The following LRP1B variants were observed in gnomAD, a reference collection of about 807,000 sequenced individuals.
The protein encoded by LRP1B is low-density lipoprotein receptor-related protein 1B.
In LRP1B, 217 loss-of-function variants were observed where a neutral mutation model predicts 556.6. The ratio of observed to expected loss-of-function variants is 0.39; its 90% CI spans 0.35 to 0.44. The LOEUF is 0.44. LRP1B is among the 20% of genes least tolerant of loss of function. The pLI, the probability that LRP1B is intolerant of heterozygous loss-of-function variation, is 1.00. For missense variants in LRP1B, 5,053 were observed against 5,620.8 expected (o/e 0.90, Z 3.23); for synonymous variants, 2,047 against 1,865.8 (o/e 1.10, Z -2.50).
intron 42 of LRP1B, among the ~76,000 whole-genome samples, chr2:140,599,985 T>C (rs1220589750): frequency 2.0e-5 from 3 of 152,170 alleles, no homozygotes; most frequent in African/African-American, 7.2e-5. Flanking sequence ...TATATGATGA[T>C]AAATTGCCTT....
intron 83 of LRP1B, among the ~76,000 whole-genome samples, chr2:140,303,162 G>A (rs1683915502): frequency 6.6e-6 from 1 of 150,582 alleles, no homozygotes; most frequent in Non-Finnish European, 1.5e-5. Flanking sequence ...TTCATAGATA[G>A]AAATTCTTTA....
chr2:141,606,637 A>G (rs1457198334), intron 2 of LRP1B, among the ~76,000 whole-genome samples: 2 of 152,140 alleles, frequency 1.3e-5, no homozygotes, highest in Admixed American at 1.3e-4. Flanking sequence ...TAAGAAAAGG[A>G]AATTTGAGCA....
intron 1 of LRP1B, among the ~76,000 whole-genome samples, chr2:142,016,529 G>T (rs1439605223): frequency 6.6e-6 from 1 of 151,992 alleles, no homozygotes; most frequent in Non-Finnish European, 1.5e-5. Context: ...ACCTTTGCAG[G>T]GACATGGATG....
chr2:141,934,910 C>T (rs997063310), intron 1 of LRP1B, among the ~76,000 whole-genome samples: 7 of 152,100 alleles, frequency 4.6e-5, no homozygotes, highest in African/African-American at 1.7e-4. Flanking sequence ...TGAAAACAGA[C>T]TAATACACCC....
intron 2 of LRP1B, among the ~76,000 whole-genome samples, chr2:141,782,480 G>T (rs1351440547): frequency 1.5e-5 from 2 of 133,828 alleles, no homozygotes; most frequent in Non-Finnish European, 1.6e-5. Flanking sequence ...AATTGTTTTG[G>T]TTTGTAACAC....
chr2:141,759,672 T>G (rs975737970), intron 2 of LRP1B, among the ~76,000 whole-genome samples: 3 of 152,090 alleles, frequency 2.0e-5, no homozygotes, highest in Non-Finnish European at 4.4e-5. Context: ...AAACTGTTTA[T>G]CTCTAGATAG....
chr2:141,617,524 T>G (rs938170153), intron 2 of LRP1B, among the ~76,000 whole-genome samples: 15 of 152,206 alleles, frequency 9.9e-5, no homozygotes, highest in Non-Finnish European at 1.9e-4. Context: ...AAATTTTCTC[T>G]GGATTTCTCA....
At chr2:141,504,179 A>T (rs926912837) in intron 2 of LRP1B, among the ~76,000 whole-genome samples, 2 of 152,170 alleles carry the variant, frequency 1.3e-5, no homozygotes, top group African/African-American at 4.8e-5. Context: ...ATATTAATTA[A>T]GCCTGCTTTC....
At chr2:140,566,724 C>T (rs1681140151) in intron 43 of LRP1B, among the ~76,000 whole-genome samples, 1 of 152,102 alleles carries the variant, frequency 6.6e-6, no homozygotes, top group Non-Finnish European at 1.5e-5. Flanking sequence ...GTTCCTTGGC[C>T]TCTCAGAGAA....
At chr2:140,878,320 T>A (rs1010945138) in intron 25 of LRP1B, among the ~76,000 whole-genome samples, 13 of 152,256 alleles carry the variant, frequency 8.5e-5, no homozygotes, top group East Asian at 5.8e-4. Context: ...TCCCAAAAAA[T>A]TTATGTTTAA....
intron 7 of LRP1B, among the ~76,000 whole-genome samples, chr2:141,084,351 T>C (rs2049480): frequency 0.48 from 73,663 of 151,986 alleles, 18,960 homozygotes; most frequent in Non-Finnish European, 0.58. Context: ...ATGAGGAGTC[T>C]AGATATGCCA....
intron 14 of LRP1B, among the ~76,000 whole-genome samples, chr2:141,010,742 C>T (rs1169274577): frequency 6.6e-6 from 1 of 151,962 alleles, no homozygotes; most frequent in African/African-American, 2.4e-5. Context: ...TCTCGAACTC[C>T]TGACCTCAGG....
At chr2:142,129,544 C>G (rs1285932217) in intron 1 of LRP1B, among the ~76,000 whole-genome samples, 1 of 149,874 alleles carries the variant, frequency 6.7e-6, no homozygotes, top group Non-Finnish European at 1.5e-5. Context: ...CAACATTCTG[C>G]CTATTTGCTT....
At chr2:141,526,583 G>T (rs979877043) in intron 2 of LRP1B, among the ~76,000 whole-genome samples, 5 of 151,934 alleles carry the variant, frequency 3.3e-5, no homozygotes, top group African/African-American at 1.2e-4. Flanking sequence ...CAAAAGCAAA[G>T]AAATCAAGTG....
Position 140,647,632 on chromosome 2 carries a change from C to T in LRP1B, c.6800-45993G>A, listed in dbSNP as rs115360633. 9.6e-3 allele frequency among the ~76,000 whole-genome samples: 1,454 copies of T among 152,218 alleles called. 25 individuals are homozygous for T. Among genetic ancestry groups the T allele is most frequent in the African/African-American group, 0.033 (1,364 of 41,504 alleles). On this transcript the variant is annotated intron_variant, in intron 41 of 90. Coordinates refer to ENST00000389484, the MANE Select transcript of LRP1B (RefSeq NM_018557.3). The stretch of plus-strand genomic sequence containing the variant: ...TTCCTGCCCCCATGAACTATTTAGT[C>T]TACTGGACAAATTAGACTACAAAGA...
chr2:140,732,516 T>C (rs1374903033), intron 35 of LRP1B, among the ~76,000 whole-genome samples: 1 of 152,102 alleles, frequency 6.6e-6, no homozygotes, highest in Non-Finnish European at 1.5e-5. Flanking sequence ...GAGCTAGGTT[T>C]TGGATAGTAT....
At chr2:140,274,352 C>T (rs1682582227) in intron 85 of LRP1B, 72 bp downstream of exon 85, 1 of 1,326,896 alleles carries the variant, frequency 7.5e-7, no homozygotes, top group Non-Finnish European at 1.1e-6. Context: ...AAAGTTTTTA[C>T]TATTTATTAC....
chr2:140,349,072 G>A (rs961677438), intron 77 of LRP1B, among the ~76,000 whole-genome samples: 2 of 152,056 alleles, frequency 1.3e-5, no homozygotes, highest in Non-Finnish European at 2.9e-5. Context: ...CCACTGCTCT[G>A]ACAGGGTGCA....
At chr2:141,723,040 TTATTTA>T (rs1194383581) in intron 2 of LRP1B, among the ~76,000 whole-genome samples, 4 of 151,588 alleles carry the variant, frequency 2.6e-5, no homozygotes, top group Non-Finnish European at 5.9e-5. Context: ...TACTTGCATT[TTATTTA>T]TATAATAGAG....
Sources: allele counts gnomAD v4.1 joint callset (sites outside exome capture counted in the v4.1 genomes callset), GRCh38; gene constraint gnomAD v4.1.1; transcripts MANE v1.5; gene names NCBI Gene and HGNC (gene_info 2026-07-23, HGNC 2026-07-21).